SOX5: variants seen among roughly 807,000 people sequenced by gnomAD.
SOX5 encodes the protein SRY-box transcription factor 5.
In SOX5, 9 loss-of-function variants were observed where a neutral mutation model predicts 92.0. The ratio of observed to expected loss-of-function variants is 0.10; its 90% CI spans 0.06 to 0.17. The LOEUF (loss-of-function observed/expected upper bound fraction) is 0.17. Ranked by LOEUF, SOX5 falls within the 10% of genes least tolerant of loss-of-function variation. SOX5 has a pLI of 1.00. For missense variants in SOX5, 642 were observed against 944.5 expected, an observed-to-expected ratio of 0.68 and a Z score of 4.20; for synonymous variants, 344 against 336.3, an observed-to-expected ratio of 1.02 and a Z score of -0.25.
chr12:24,422,213 A>T (rs913892485), intron 1 of SOX5, among the ~76,000 whole-genome samples: 23 of 152,214 alleles, frequency 1.5e-4, no homozygotes, highest in African/African-American at 5.3e-4. Context: ...GTAGTGTCTC[A>T]TATTTCAAAG....
chr12:23,945,647 T>C (rs1040361848), intron 1 of SOX5, among the ~76,000 whole-genome samples: 1 of 152,136 alleles, frequency 6.6e-6, no homozygotes, highest in Admixed American at 6.5e-5. Flanking sequence ...CTCTACAATG[T>C]AGTAGTAAAT....
intron 3 of SOX5, among the ~76,000 whole-genome samples, chr12:24,223,806 AAAAC>A (rs1565691643): frequency 6.6e-6 from 1 of 151,968 alleles, no homozygotes; most frequent in African/African-American, 2.4e-5. Context: ...AACAAACAAA[AAAAC>A]ATACACACAC....
chr12:24,311,525 T>TA (rs1240448099), intron 2 of SOX5, among the ~76,000 whole-genome samples: 3 of 152,216 alleles, frequency 2.0e-5, no homozygotes, highest in African/African-American at 7.2e-5. Flanking sequence ...GATTGAACAT[T>TA]ATATTACACA....
At chr12:23,762,597 C>G (rs2094592271) in intron 3 of SOX5, 1 of 510,500 alleles carries the variant, frequency 2.0e-6, no homozygotes. Flanking sequence ...TTAATGAGAG[C>G]CTGTTAATAC....
intron 6 of SOX5, among the ~76,000 whole-genome samples, chr12:23,703,005 G>C (rs1218654536): frequency 6.6e-6 from 1 of 151,938 alleles, no homozygotes; most frequent in African/African-American, 2.4e-5. Flanking sequence ...CTTGTAAAGA[G>C]AACAAGATGG....
intron 3 of SOX5, among the ~76,000 whole-genome samples, chr12:23,787,859 A>G (rs1378638913): frequency 6.6e-6 from 1 of 151,976 alleles, no homozygotes; most frequent in Non-Finnish European, 1.5e-5. Flanking sequence ...CATAACCATT[A>G]CACATCAACT....
At chr12:24,437,517 C>T (rs1292924512) in intron 1 of SOX5, among the ~76,000 whole-genome samples, 1 of 152,124 alleles carries the variant, frequency 6.6e-6, no homozygotes, top group Non-Finnish European at 1.5e-5. Flanking sequence ...AAGAAACTAT[C>T]ATCAGAGTGA....
At chr12:24,456,466 A>C (rs1336359990) in intron 1 of SOX5, among the ~76,000 whole-genome samples, 7 of 152,194 alleles carry the variant, frequency 4.6e-5, no homozygotes, top group African/African-American at 1.4e-4. Context: ...TGCATGAGAG[A>C]GATTTAAGGC....
intron 4 of SOX5, among the ~76,000 whole-genome samples, chr12:24,102,724 CA>C (rs1946231690): frequency 6.6e-6 from 1 of 152,212 alleles, no homozygotes; most frequent in Non-Finnish European, 1.5e-5. Context: ...TCTCATTTGA[CA>C]ATTTCCTATC....
chr12:23,970,072 T>A (rs898706757), intron 4 of SOX5, among the ~76,000 whole-genome samples: 3 of 152,174 alleles, frequency 2.0e-5, no homozygotes, highest in African/African-American at 7.2e-5. Flanking sequence ...TACTGACATA[T>A]AACACATTCT....
At chr12:24,125,884 G>T (rs2138403169) in intron 4 of SOX5, among the ~76,000 whole-genome samples, 1 of 152,262 alleles carries the variant, frequency 6.6e-6, no homozygotes, top group African/African-American at 2.4e-5. Flanking sequence ...ATCCTTCCCA[G>T]GACGAAGAGT....
At position 23,533,538 on chromosome 12, in the gene SOX5, A is replaced by G. The variant is rs1038226218; in HGVS notation, c.*681T>C. The G allele has an allele frequency of 1.3e-5, 2 of 156,974 alleles. No homozygotes were observed. Among genetic ancestry groups the G allele is most frequent in the African/African-American group, 4.8e-5 (2 of 41,478 alleles). 9.7% of individuals were successfully genotyped at this position (156,974 alleles called of 1,614,324 possible). On this transcript the variant is annotated 3_prime_UTR_variant, in exon 15 of 15. Transcript: ENST00000451604. ...AGATGTAGTGTGGTGTGCAATAGATAAAGTCCTCTAAAGAAAATAATTGCT... is the reference window on the plus strand; with the variant it reads ...AGATGTAGTGTGGTGTGCAATAGATGAAGTCCTCTAAAGAAAATAATTGCT...
rs536528581 is a variant in SOX5 at position 23,605,032 on chromosome 12, G to GA, written c.1018-500_1018-499insT. On this transcript the variant is annotated intron_variant, in intron 8 of 14. Transcript: ENST00000451604. ...TACAGAAAAGGCACTGAAAGGCAAC[G>GA]GGAAAAAAGTACTTGAAGAAGATTA... 9.1e-3 allele frequency among the ~76,000 whole-genome samples: 693 copies of GA among 76,316 alleles called. 6 individuals are homozygous for GA. The highest frequency in any genetic ancestry group is 0.033 in the African/African-American group (660 of 19,936). The allele number at this position is 76,316 out of a possible 152,430, so 50.1% of individuals were successfully genotyped here.
At chr12:24,080,669 CTTTGGT>C (rs1254476998) in intron 4 of SOX5, among the ~76,000 whole-genome samples, 4 of 151,962 alleles carry the variant, frequency 2.6e-5, no homozygotes, top group Non-Finnish European at 5.9e-5. Flanking sequence ...CTGTAAGTCA[CTTTGGT>C]TCCAAAATAT....
chr12:23,809,809 A>G lies in SOX5; in HGVS notation c.481+36174T>C, dbSNP rs145202850. ...GATTTGACATTACTACACATTTTTA[A>G]TAGACTCCAATTGATAACAGACTGA... On this transcript the variant is annotated intron_variant, in intron 3 of 14. Transcript: ENST00000451604. 1.0e-4 allele frequency among the ~76,000 whole-genome samples: 15 copies of G among 150,340 alleles called. No individual in the cohort carries two copies. The East Asian group carries it at 2.7e-3, about 27-fold the overall frequency.
intron 3 of SOX5, among the ~76,000 whole-genome samples, chr12:23,794,145 T>C (rs573321723): frequency 3.3e-4 from 50 of 152,322 alleles, no homozygotes; most frequent in African/African-American, 1.2e-3. Context: ...TATTTTAATA[T>C]ACTCCTATAT....
chr12:24,064,319 G>C (rs182333192), intron 4 of SOX5, among the ~76,000 whole-genome samples: 394 of 152,194 alleles, frequency 2.6e-3, no homozygotes, highest in African/African-American at 9.1e-3. Context: ...AATGCAATAC[G>C]GCAAATATCC....
chr12:24,156,961 G>C (rs954657729), intron 4 of SOX5, among the ~76,000 whole-genome samples: 2 of 152,002 alleles, frequency 1.3e-5, no homozygotes, highest in Non-Finnish European at 2.9e-5. Context: ...CAAGTTATAG[G>C]ACATATTCTG....
At chr12:23,558,184 C>T (rs1185604589) in intron 11 of SOX5, among the ~76,000 whole-genome samples, 1 of 152,128 alleles carries the variant, frequency 6.6e-6, no homozygotes, top group Non-Finnish European at 1.5e-5. Context: ...GCTAACATTA[C>T]CTTTGATCTG....
Sources: allele counts gnomAD v4.1 joint callset (sites outside exome capture counted in the v4.1 genomes callset), GRCh38; gene constraint gnomAD v4.1.1; transcripts MANE v1.5; gene names NCBI Gene and HGNC (gene_info 2026-07-23, HGNC 2026-07-21).